The following ESRRG variants were observed in gnomAD, a reference collection of about 807,000 sequenced individuals.
ESRRG encodes estrogen related receptor gamma, also known as estrogen-related receptor gamma.
Under a neutral mutation model 44.0 loss-of-function variants are expected in ESRRG, and 13 were observed. The observed-to-expected ratio is 0.30, with a 90% CI of 0.19 to 0.47. The LOEUF is 0.47. Among genes scored for constraint, ESRRG ranks in the 20% least tolerant of loss-of-function variants. ESRRG has a pLI of 1.00. For synonymous variants in ESRRG, 215 were observed against 214.6 expected, an observed-to-expected ratio of 1.00 and a Z score of -0.02; for missense variants, 395 against 580.6, an observed-to-expected ratio of 0.68 and a Z score of 3.29.
At chr1:216,714,849 A>G in intron 1 of ESRRG, among the ~76,000 whole-genome samples, 1 of 152,150 alleles carries the variant, frequency 6.6e-6, no homozygotes, top group East Asian at 1.9e-4. Context: ...TGAAAGACAC[A>G]CCTAATCATT....
At chr1:216,671,978 C>A (rs1400252195) in intron 2 of ESRRG, among the ~76,000 whole-genome samples, 1 of 150,206 alleles carries the variant, frequency 6.7e-6, no homozygotes, top group Non-Finnish European at 1.5e-5. Context: ...TAACAAGAGT[C>A]TAGGGGAAAC....
intron 1 of ESRRG, among the ~76,000 whole-genome samples, chr1:217,010,257 G>A (rs1039976767): frequency 3.3e-5 from 5 of 152,138 alleles, no homozygotes; most frequent in African/African-American, 1.2e-4. Flanking sequence ...TGTTCTTCAT[G>A]CTGTGTCTCT....
chr1:216,953,270 C>G (rs563852493), intron 1 of ESRRG, among the ~76,000 whole-genome samples: 1 of 152,086 alleles, frequency 6.6e-6, no homozygotes. Context: ...CATTAGGGAC[C>G]AATTTCGAGT....
intron 2 of ESRRG, among the ~76,000 whole-genome samples, chr1:216,651,528 A>G (rs533345318): frequency 6.6e-6 from 1 of 152,300 alleles, no homozygotes; most frequent in South Asian, 2.1e-4. Flanking sequence ...ACTGAACAGT[A>G]TAAACTTCAC....
At chr1:216,703,204 C>T (rs773479662) in intron 1 of ESRRG, among the ~76,000 whole-genome samples, 2 of 152,062 alleles carry the variant, frequency 1.3e-5, no homozygotes, top group Middle Eastern at 3.2e-3. Flanking sequence ...CTAACATGTG[C>T]AGGGGTGTCC....
chr1:216,533,074 C>T (rs1161040874), intron 5 of ESRRG, among the ~76,000 whole-genome samples: 1 of 152,118 alleles, frequency 6.6e-6, no homozygotes, highest in Admixed American at 6.6e-5. Flanking sequence ...TTGCACCTGA[C>T]TAGCTCAATT....
chr1:216,612,492 A>G (rs1392636982), intron 3 of ESRRG, among the ~76,000 whole-genome samples: 1 of 152,190 alleles, frequency 6.6e-6, no homozygotes, highest in Non-Finnish European at 1.5e-5. Context: ...ATCACTTCCC[A>G]AAATGTATGC....
At chr1:216,634,653 G>A (rs969617136) in intron 3 of ESRRG, among the ~76,000 whole-genome samples, 18 of 152,170 alleles carry the variant, frequency 1.2e-4, no homozygotes, top group African/African-American at 4.1e-4. Context: ...TGGACAGGCA[G>A]TGCGTCCACC....
intron 1 of ESRRG, among the ~76,000 whole-genome samples, chr1:216,951,734 TG>T (rs2066990681): frequency 6.6e-6 from 1 of 151,142 alleles, no homozygotes; most frequent in South Asian, 2.1e-4. Flanking sequence ...TGTGTGTGTG[TG>T]TGTGTGTGTG....
At chr1:216,971,561 C>G (rs1444838723) in intron 1 of ESRRG, among the ~76,000 whole-genome samples, 1 of 152,158 alleles carries the variant, frequency 6.6e-6, no homozygotes, top group African/African-American at 2.4e-5. Context: ...CTCCTCAATA[C>G]TGCAGAGAAA....
intron 2 of ESRRG, among the ~76,000 whole-genome samples, chr1:216,891,167 C>T (rs1017513178): frequency 4.6e-5 from 7 of 152,138 alleles, no homozygotes; most frequent in Admixed American, 1.3e-4. Context: ...CGCTGTCTGC[C>T]GACAGATTAT....
intron 2 of ESRRG, among the ~76,000 whole-genome samples, chr1:216,859,957 C>T (rs945264979): frequency 1.1e-4 from 16 of 152,006 alleles, no homozygotes; most frequent in Admixed American, 7.9e-4. Context: ...CCAAAGTGAC[C>T]CAGATGTTAG....
rs892697597 is a variant in ESRRG, at chr1:216,723,188, C to T, written c.56+56G>A. On this transcript the variant is annotated intron_variant, in intron 1 of 6. Coordinates refer to ENST00000408911, the MANE Select transcript of ESRRG (RefSeq NM_001438.4). ...AGTGTGTAAAGATATAGTCTGTCCG[C>T]CCCCACCCCCGCACCCCCACGACGA... is the stretch of plus-strand genomic sequence containing the variant. 1.3e-5 allele frequency: 18 copies of T among 1,341,762 alleles called. No individual in the cohort carries two copies. In the African/African-American group the frequency reaches 1.4e-4, roughly 11 times the overall value. 83.1% of individuals were successfully genotyped at this position (1,341,762 alleles called of 1,614,324 possible). A position where few individuals can be genotyped will look rare whatever the true frequency, so the allele number is the denominator to read the frequency against.
At chr1:216,595,749 T>C (rs1420986744) in intron 3 of ESRRG, among the ~76,000 whole-genome samples, 1 of 152,242 alleles carries the variant, frequency 6.6e-6, no homozygotes, top group African/African-American at 2.4e-5. Flanking sequence ...GAATTTATGC[T>C]TAAACTCCCT....
intron 2 of ESRRG, among the ~76,000 whole-genome samples, chr1:216,828,096 A>T (rs1307174434): frequency 6.6e-6 from 1 of 152,122 alleles, no homozygotes; most frequent in Non-Finnish European, 1.5e-5. Flanking sequence ...ACTATCAAGG[A>T]TTGAACATTT....
intron 2 of ESRRG, among the ~76,000 whole-genome samples, chr1:216,660,750 T>C (rs1432111168): frequency 6.6e-6 from 1 of 152,070 alleles, no homozygotes; most frequent in Admixed American, 6.6e-5. Flanking sequence ...AGACTTATGG[T>C]GTAAGGGCAG....
At chr1:217,068,041 G>A (rs1249573841) in intron 1 of ESRRG, among the ~76,000 whole-genome samples, 2 of 152,126 alleles carry the variant, frequency 1.3e-5, no homozygotes, top group Non-Finnish European at 2.9e-5. Flanking sequence ...AAAGTGGGTA[G>A]GACTGCAGAC....
At chr1:216,772,149 C>T (rs545645560) in intron 2 of ESRRG, among the ~76,000 whole-genome samples, 1 of 152,036 alleles carries the variant, frequency 6.6e-6, no homozygotes, top group Non-Finnish European at 1.5e-5. Context: ...AGAATGGAGG[C>T]CCCATCTAAA....
chr1:216,522,984 C>T (rs1185002212), intron 5 of ESRRG, among the ~76,000 whole-genome samples: 1 of 152,118 alleles, frequency 6.6e-6, no homozygotes, highest in African/African-American at 2.4e-5. Flanking sequence ...AAACCTCTTT[C>T]CCAAGTGAAA....
Sources: gnomAD v4.1 joint callset for allele counts (sites outside exome capture counted in the v4.1 genomes callset) on GRCh38, gnomAD v4.1.1 for gene constraint, MANE v1.5 for transcripts, NCBI Gene and HGNC (gene_info 2026-07-23, HGNC 2026-07-21) for gene names.